The following D2HGDH variants were observed in gnomAD, a reference collection of about 807,000 sequenced individuals.
D2HGDH encodes D-2-hydroxyglutarate dehydrogenase, also known as D-2-hydroxyglutarate dehydrogenase, mitochondrial.
Under a neutral mutation model 46.9 loss-of-function variants are expected in D2HGDH, and 31 were observed. That is an observed-to-expected ratio of 0.66 (90% CI 0.50 to 0.89). D2HGDH has a LOEUF of 0.89. Among genes scored for constraint, D2HGDH ranks in the 40% least tolerant of loss-of-function variants. D2HGDH has a pLI of 0.00. For missense variants in D2HGDH, 698 were observed against 720.8 expected, an observed-to-expected ratio of 0.97 and a Z score of 0.36; for synonymous variants, 364 against 332.6, an observed-to-expected ratio of 1.09 and a Z score of -1.03.
rs576429189 is a variant in D2HGDH, at chr2:241,747,391, GGTTTGC to G, written c.853+2515_853+2520del. On this transcript the variant is annotated intron_variant, in intron 6 of 9. Transcript: ENST00000321264. ...AGACGAGGTACCTTCCTCCAGAGAGGGTTTGCTTTTGCTTTTGCTTTTGCTAGGTGT... is the reference window on the plus strand; with the variant it reads ...AGACGAGGTACCTTCCTCCAGAGAGGTTTTGCTTTTGCTTTTGCTAGGTGT... Among the ~76,000 whole-genome samples the G allele has an allele frequency of 3.9e-3, 400 of 103,170 alleles. 10 individuals are homozygous for G. In the East Asian group the frequency reaches 0.076, roughly 20 times the overall value. The allele number at this position is 103,170 out of a possible 152,430, so 67.7% of individuals were successfully genotyped here. A position where few individuals can be genotyped will look rare whatever the true frequency, so the allele number is the denominator to read the frequency against.
intron 9 of D2HGDH, among the ~76,000 whole-genome samples, chr2:241,756,583 G>T (rs1021581336): frequency 6.6e-6 from 1 of 152,140 alleles, no homozygotes; most frequent in Non-Finnish European, 1.5e-5. Flanking sequence ...GTGCAGTGGC[G>T]CAATCTCGGC....
intron 8 of D2HGDH, among the ~76,000 whole-genome samples, chr2:241,752,313 G>A (rs945874961): frequency 4.6e-5 from 7 of 152,110 alleles, no homozygotes; most frequent in African/African-American, 7.2e-5. Flanking sequence ...GCCCAGGGGC[G>A]TCCTCTGGGC....
chr2:241,753,855 A>T (rs577458673), intron 8 of D2HGDH, among the ~76,000 whole-genome samples: 17 of 152,132 alleles, frequency 1.1e-4, no homozygotes, highest in Non-Finnish European at 2.4e-4. Flanking sequence ...TGCCCCATAA[A>T]CTCACGCAGC....
intron 6 of D2HGDH, among the ~76,000 whole-genome samples, chr2:241,745,983 G>T (rs1695767339): frequency 6.6e-6 from 1 of 152,164 alleles, no homozygotes; most frequent in African/African-American, 2.4e-5. Flanking sequence ...GCCACTTAAA[G>T]ATCATTCTTT....
At position 241,737,188 on chromosome 2, in the gene D2HGDH, T is replaced by A. The variant is rs1283469061; in HGVS notation, c.292+1672T>A. ...GGTTTTATCGTGTTAGCCAGGATGG[T>A]CTCAATCTCCTGACATCGTGATCCG... On this transcript the variant is annotated intron_variant, in intron 2 of 9. Transcript: ENST00000321264. 4.6e-5 allele frequency among the ~76,000 whole-genome samples: 7 copies of A among 152,272 alleles called. No individual in the cohort carries two copies. In the East Asian group the frequency reaches 1.2e-3, roughly 25 times the overall value.
chr2:241,760,061 T>C (rs1197349263), intron 9 of D2HGDH, among the ~76,000 whole-genome samples: 1 of 115,166 alleles, frequency 8.7e-6, no homozygotes, highest in African/African-American at 4.1e-5. Flanking sequence ...TGGGTGGGCC[T>C]TACCCAGTCG....
chr2:241,755,242 GGCCCACCCACCATGTCCTTCCCTCCCCT>G, intron 8 of D2HGDH: 1 of 1,093,354 alleles, frequency 9.1e-7, no homozygotes, highest in South Asian at 1.5e-5. Flanking sequence ...CCTCCCCCGT[GGCCCACCCACCATGTCCTTCCCTCCCCT>G]GTGGCCCACC....
In D2HGDH at chr2:241,751,505, T is replaced by G. The variant is rs185760087; in HGVS notation, c.1140+117T>G. On this transcript the variant is annotated intron_variant, in intron 8 of 9. Transcript: ENST00000321264. Reference sequence around the variant, plus strand: ...GACAGTGTGGGATGTGGCTGAAATGTGACTGGGTTTCATGGCTTTGAGAGA... The same window carrying G: ...GACAGTGTGGGATGTGGCTGAAATGGGACTGGGTTTCATGGCTTTGAGAGA... The G allele has an allele frequency of 1.0e-4, 149 of 1,473,838 alleles. No homozygotes were observed. In the African/African-American group the frequency reaches 1.6e-3, roughly 16 times the overall value. The allele number at this position is 1,473,838 out of a possible 1,614,324, so 91.3% of individuals were successfully genotyped here.
chr2:241,746,302 CTG>C (rs1695844483), intron 6 of D2HGDH, among the ~76,000 whole-genome samples: 2 of 152,136 alleles, frequency 1.3e-5, no homozygotes, highest in African/African-American at 2.4e-5. Flanking sequence ...CCCTCTTCTG[CTG>C]TGTTTTATTT....
chr2:241,745,256 TTCCC>T (rs1160707745), intron 6 of D2HGDH, among the ~76,000 whole-genome samples: 1 of 152,200 alleles, frequency 6.6e-6, no homozygotes, highest in Admixed American at 6.5e-5. Context: ...GGATAAAGAA[TTCCC>T]TCCTGTAATG....
At chr2:241,752,862 T>G in intron 8 of D2HGDH, among the ~76,000 whole-genome samples, 1 of 46,626 alleles carries the variant, frequency 2.1e-5, no homozygotes, top group African/African-American at 9.0e-5. Context: ...CCCCAACCTC[T>G]CTACCAGCCC....
intron 3 of D2HGDH, among the ~76,000 whole-genome samples, chr2:241,741,778 T>C (rs879172325): frequency 9.8e-5 from 14 of 143,156 alleles, no homozygotes; most frequent in Non-Finnish European, 1.5e-4. Flanking sequence ...GGACTTGCTG[T>C]CTCCAGGGTT....
chr2:241,763,973 AC>A (rs1699057881), intron 9 of D2HGDH, among the ~76,000 whole-genome samples: 1 of 152,230 alleles, frequency 6.6e-6, no homozygotes, highest in Non-Finnish European at 1.5e-5. Flanking sequence ...CTGACTGAGC[AC>A]AGGAGGTTGA....
Position 241,740,949 on chromosome 2 carries a change from A to T in D2HGDH, c.293-84A>T, listed in dbSNP as rs149829540. 1.9e-3 allele frequency: 2,186 copies of T among 1,174,658 alleles called. 26 individuals carry two copies. In the African/African-American group the frequency reaches 0.02, roughly 11 times the overall value. 72.8% of individuals were successfully genotyped at this position (1,174,658 alleles called of 1,614,324 possible). ...AGTGAGAGTCCGTCTCCAAAAAAAA[A>T]AACTCGCTCTCTGGGGCGAGTGACC... On this transcript the variant is annotated intron_variant, in intron 2 of 9. Coordinates refer to ENST00000321264, the MANE Select transcript of D2HGDH (RefSeq NM_152783.5).
chr2:241,768,092 G>GACTGGGAGCCCGC lies in D2HGDH; in HGVS notation c.*130_*142dup. Reference sequence around the variant, plus strand: ...AGGGGACCAGGCACCTGGTTGAAGGGACTGGGAGCCCGCACTGGGGAACTG... The same window carrying GACTGGGAGCCCGC: ...AGGGGACCAGGCACCTGGTTGAAGGGACTGGGAGCCCGCACTGGGAGCCCGCACTGGGGAACTG... On this transcript the variant is annotated 3_prime_UTR_variant, in exon 10 of 10. Coordinates refer to ENST00000321264, the MANE Select transcript of D2HGDH (RefSeq NM_152783.5). 7.2e-7 allele frequency: 1 copy of GACTGGGAGCCCGC among 1,384,910 alleles called. No individual in the cohort carries two copies. Among genetic ancestry groups the GACTGGGAGCCCGC allele is most frequent in the South Asian group, 1.4e-5 (1 of 69,316 alleles). 85.8% of individuals were successfully genotyped at this position (1,384,910 alleles called of 1,614,324 possible).
chr2:241,763,125 G>A (rs999634125), intron 9 of D2HGDH, among the ~76,000 whole-genome samples: 1 of 152,204 alleles, frequency 6.6e-6, no homozygotes, highest in East Asian at 1.9e-4. Flanking sequence ...CGTGAGTTCC[G>A]GGTGCAGGCC....
intron 9 of D2HGDH, among the ~76,000 whole-genome samples, chr2:241,760,190 C>G (rs1698636934): frequency 3.4e-5 from 2 of 58,832 alleles, no homozygotes; most frequent in Admixed American, 1.5e-4. Context: ...TGGGCCTTAC[C>G]CAATCAGTCG....
At position 241,743,680 on chromosome 2, in the gene D2HGDH, A is replaced by T. The variant is rs758354618; in HGVS notation, c.549A>T (p.Glu183Asp). The change falls in exon 5 of 10, where the codon GAA (glutamate) becomes GAT (aspartate). Residue 183 changes from glutamate to aspartate, a missense_variant. Glu to Asp is a conservative substitution (Grantham distance 45, BLOSUM62 2). Coordinates refer to ENST00000321264, the MANE Select transcript of D2HGDH (RefSeq NM_152783.5). This position sits in a 1 kb window ranked among gnomAD's most constrained non-coding sequence, Gnocchi z 4.8. ...AGGAGCTGAGCCGGTATGTGGAGGA[A>T]CGGGACTTCATCATGCCGCTGGACT... Reference protein sequence around the residue: ...VLEELSRYVEERDFIMPLDLG... With the variant: ...VLEELSRYVEDRDFIMPLDLG... 3.7e-6 allele frequency: 6 copies of T among 1,614,008 alleles called. No individual in the cohort carries two copies. Among genetic ancestry groups the T allele is most frequent in the Non-Finnish European group, 5.1e-6 (6 of 1,179,992 alleles).
chr2:241,751,413 C>G, intron 8 of D2HGDH, 25 bp downstream of exon 8: 1 of 1,611,912 alleles, frequency 6.2e-7, no homozygotes, highest in African/African-American at 1.3e-5. Context: ...GCTTGCAGGT[C>G]CCCGCTCTCT....
Sources: gnomAD v4.1 joint callset for allele counts (sites outside exome capture counted in the v4.1 genomes callset) on GRCh38, gnomAD v4.1.1 for gene constraint, Gnocchi (gnomAD v3.1) non-coding constraint, MANE v1.5 for transcripts, NCBI Gene and HGNC (gene_info 2026-07-23, HGNC 2026-07-21) for gene names.